GALNT13: variants seen among roughly 807,000 people sequenced by gnomAD.
The protein encoded by GALNT13 is polypeptide N-acetylgalactosaminyltransferase 13.
Under a neutral mutation model 64.2 loss-of-function variants are expected in GALNT13, and 28 were observed. That is an observed-to-expected ratio of 0.44 (90% CI 0.32 to 0.60). The LOEUF (loss-of-function observed/expected upper bound fraction) is 0.60. Ranked by LOEUF, GALNT13 falls within the 20% of genes least tolerant of loss-of-function variation. The probability of loss-of-function intolerance (pLI) is 0.05; values close to 1 mark genes in which losing one functional copy is unlikely to be tolerated. For synonymous variants in GALNT13, 214 were observed against 224.6 expected (o/e 0.95, Z 0.42); for missense variants, 577 against 669.8 (o/e 0.86, Z 1.53).
intron 4 of GALNT13, among the ~76,000 whole-genome samples, chr2:154,151,142 T>C (rs1475274143): frequency 2.0e-5 from 3 of 152,184 alleles, no homozygotes; most frequent in East Asian, 3.9e-4. Flanking sequence ...TTTGTTCTTG[T>C]TGGTTTCAAA....
chr2:153,889,335 T>TA (rs1558836498), intron 1 of GALNT13, among the ~76,000 whole-genome samples: 1 of 151,924 alleles, frequency 6.6e-6, no homozygotes, highest in Non-Finnish European at 1.5e-5. Flanking sequence ...TCCCAAACCT[T>TA]ACGTTCAGTA....
the GALNT13 span, among the ~76,000 whole-genome samples, chr2:153,574,129 GT>G: frequency 0.82 from 115,173 of 140,502 alleles, 47,284 homozygotes; most frequent in Non-Finnish European, 0.87. Context: ...GTAAGGTAAA[GT>G]TTTTTTTTTT....
the GALNT13 span, among the ~76,000 whole-genome samples, chr2:153,201,219 T>A: frequency 6.6e-6 from 1 of 152,216 alleles, no homozygotes; most frequent in Non-Finnish European, 1.5e-5. Context: ...GCCCTGTAGA[T>A]GTGGCAATCA....
chr2:153,756,035 T>C, the GALNT13 span, among the ~76,000 whole-genome samples: 1 of 152,122 alleles, frequency 6.6e-6, no homozygotes, highest in Non-Finnish European at 1.5e-5. Flanking sequence ...TAAAAGTCTT[T>C]CATCTGTAAG....
intron 3 of GALNT13, among the ~76,000 whole-genome samples, chr2:154,132,996 G>A (rs971250987): frequency 2.6e-5 from 4 of 152,128 alleles, no homozygotes; most frequent in Non-Finnish European, 5.9e-5. Flanking sequence ...TAAGTTACAA[G>A]CTATGATTCA....
chr2:154,306,623 G>GC (rs924180167), intron 9 of GALNT13, among the ~76,000 whole-genome samples: 1 of 149,832 alleles, frequency 6.7e-6, no homozygotes, highest in Non-Finnish European at 1.5e-5. Context: ...TTTGGTGGGG[G>GC]GGGGGTCAAG....
At chr2:153,705,568 G>C in the GALNT13 span, among the ~76,000 whole-genome samples, 3 of 152,192 alleles carry the variant, frequency 2.0e-5, no homozygotes, top group African/African-American at 7.2e-5. Context: ...TTAAGTTCAG[G>C]TTGGTTTCAC....
chr2:154,263,921 GAAAC>G (rs1353051246), intron 8 of GALNT13, among the ~76,000 whole-genome samples: 2 of 152,152 alleles, frequency 1.3e-5, no homozygotes, highest in South Asian at 4.1e-4. Context: ...TGAGAGATGG[GAAAC>G]AAACAAGGAA....
At chr2:154,057,747 T>C (rs1449196347) in intron 3 of GALNT13, among the ~76,000 whole-genome samples, 8 of 152,208 alleles carry the variant, frequency 5.3e-5, no homozygotes, top group Non-Finnish European at 1.0e-4. Flanking sequence ...TAAGATTTAC[T>C]CAGCAATTAG....
chr2:153,138,319 A>G, the GALNT13 span, among the ~76,000 whole-genome samples: 396 of 152,166 alleles, frequency 2.6e-3, 1 homozygote, highest in African/African-American at 9.1e-3. Context: ...CACTGATTTA[A>G]AACTTCACTT....
intron 3 of GALNT13, among the ~76,000 whole-genome samples, chr2:154,122,401 T>A (rs927187448): frequency 3.9e-5 from 6 of 152,030 alleles, no homozygotes; most frequent in Admixed American, 6.5e-5. Context: ...CTTTTTGTAC[T>A]ATTTTTTCTG....
intron 11 of GALNT13, among the ~76,000 whole-genome samples, chr2:154,435,679 T>C (rs1238114447): frequency 1.3e-5 from 2 of 152,194 alleles, no homozygotes; most frequent in Non-Finnish European, 1.5e-5. Context: ...TGGACCCTTA[T>C]ACTAAAATTT....
intron 3 of GALNT13, among the ~76,000 whole-genome samples, chr2:154,042,854 T>A (rs898483793): frequency 6.6e-6 from 1 of 152,048 alleles, no homozygotes; most frequent in African/African-American, 2.4e-5. Flanking sequence ...AGAGACATAC[T>A]GTTTGCCCCG....
chr2:153,133,967 G>T, the GALNT13 span, among the ~76,000 whole-genome samples: 2 of 152,164 alleles, frequency 1.3e-5, no homozygotes, highest in East Asian at 3.9e-4. Flanking sequence ...CAGTCATTTG[G>T]AATGCATATC....
intron 3 of GALNT13, among the ~76,000 whole-genome samples, chr2:154,072,547 T>C (rs1700787788): frequency 6.6e-6 from 1 of 152,050 alleles, no homozygotes; most frequent in Non-Finnish European, 1.5e-5. Flanking sequence ...TAACTATTAC[T>C]GGTTTTCCAG....
At chr2:153,908,333 T>G (rs566485395) in intron 2 of GALNT13, among the ~76,000 whole-genome samples, 14 of 152,288 alleles carry the variant, frequency 9.2e-5, no homozygotes, top group Non-Finnish European at 1.6e-4. Flanking sequence ...TTTCCCATTC[T>G]ATAGGTTGTC....
the GALNT13 span, among the ~76,000 whole-genome samples, chr2:153,559,090 T>C: frequency 6.6e-6 from 1 of 152,192 alleles, no homozygotes; most frequent in Non-Finnish European, 1.5e-5. Context: ...AAGATTATGT[T>C]ATTTCAGCCA....
the GALNT13 span, among the ~76,000 whole-genome samples, chr2:153,724,947 C>G: frequency 6.6e-6 from 1 of 151,346 alleles, no homozygotes; most frequent in Non-Finnish European, 1.5e-5. Context: ...CCAGCCATCC[C>G]ATTACTGGGT....
chr2:153,173,635 A>G, the GALNT13 span, among the ~76,000 whole-genome samples: 1 of 152,212 alleles, frequency 6.6e-6, no homozygotes, highest in Non-Finnish European at 1.5e-5. Context: ...ATGATTCAAC[A>G]CAAAACAGTT....
Sources: gnomAD v4.1 joint callset for allele counts (sites outside exome capture counted in the v4.1 genomes callset) on GRCh38, gnomAD v4.1.1 for gene constraint, MANE v1.5 for transcripts, NCBI Gene and HGNC (gene_info 2026-07-23, HGNC 2026-07-21) for gene names.